Variants in CTNNA2 observed in about 807,000 individuals in gnomAD.
CTNNA2 encodes the protein catenin alpha-2.
CTNNA2 carries 42 observed loss-of-function variants against 101.0 expected under a neutral mutation model. The observed-to-expected ratio is 0.42, with a 90% CI of 0.32 to 0.54. The LOEUF (loss-of-function observed/expected upper bound fraction) is 0.54, where lower values mean the gene tolerates loss of function less well. CTNNA2 is among the 20% of genes least tolerant of loss of function. The pLI is 0.14. For missense variants in CTNNA2, 871 were observed against 1,223.1 expected (o/e 0.71, Z 4.29); for synonymous variants, 450 against 456.4 (o/e 0.99, Z 0.18).
chr2:80,223,816 A>C (rs1425340357), intron 7 of CTNNA2, among the ~76,000 whole-genome samples: 1 of 152,240 alleles, frequency 6.6e-6, no homozygotes, highest in Non-Finnish European at 1.5e-5. Context: ...CTGTGGCTTC[A>C]GATGTGACTG....
intron 17 of CTNNA2, among the ~76,000 whole-genome samples, chr2:80,610,285 GA>G (rs1050561046): frequency 2.6e-5 from 4 of 151,302 alleles, no homozygotes; most frequent in South Asian, 4.2e-4. Context: ...GGCCAATGGA[GA>G]AAAAAAATGA....
At chr2:79,680,295 G>A (rs1333680566) in intron 2 of CTNNA2, among the ~76,000 whole-genome samples, 1 of 151,862 alleles carries the variant, frequency 6.6e-6, no homozygotes, top group African/African-American at 2.4e-5. Context: ...TGAAAAGGTA[G>A]GTTACTTGAA....
chr2:79,810,858 C>T (rs564646083), intron 3 of CTNNA2, among the ~76,000 whole-genome samples: 1 of 151,984 alleles, frequency 6.6e-6, no homozygotes, highest in African/African-American at 2.4e-5. Flanking sequence ...GACATGAACT[C>T]ATCATTTTTT....
chr2:79,256,969 A>G (rs1344856069), intron 2 of CTNNA2, among the ~76,000 whole-genome samples: 1 of 152,226 alleles, frequency 6.6e-6, no homozygotes, highest in Non-Finnish European at 1.5e-5. Context: ...AAAGCACACA[A>G]ACTACAAAAA....
intron 7 of CTNNA2, among the ~76,000 whole-genome samples, chr2:80,127,132 T>A (rs1443889150): frequency 1.3e-5 from 2 of 152,202 alleles, no homozygotes; most frequent in Non-Finnish European, 2.9e-5. Flanking sequence ...GGTAAACAGA[T>A]GTTTGCATTG....
chr2:80,364,555 A>ACTTT, intron 7 of CTNNA2, among the ~76,000 whole-genome samples: 1 of 110,982 alleles, frequency 9.0e-6, no homozygotes, highest in Non-Finnish European at 1.8e-5. Flanking sequence ...GAGAGAAAGT[A>ACTTT]ATTTTTTTTT....
intron 7 of CTNNA2, among the ~76,000 whole-genome samples, chr2:79,925,552 A>T (rs1281527990): frequency 6.6e-6 from 1 of 152,156 alleles, no homozygotes; most frequent in East Asian, 1.9e-4. Flanking sequence ...AGCAAATCAC[A>T]TATAGTTTGA....
intron 4 of CTNNA2, among the ~76,000 whole-genome samples, chr2:79,474,699 A>C (rs2104550347): frequency 6.6e-6 from 1 of 152,312 alleles, no homozygotes; most frequent in South Asian, 2.1e-4. Context: ...GTCATAGTTC[A>C]TTTCCAAACG....
intron 10 of CTNNA2, 41 bp from the exon 11 acceptor site, chr2:80,545,866 G>A (rs777737871): frequency 9.4e-6 from 15 of 1,600,704 alleles, no homozygotes; most frequent in African/African-American, 5.4e-5. Context: ...CTCTTTTGAA[G>A]TGTGTGGTCA....
chr2:79,478,253 G>T (rs972204064), intron 4 of CTNNA2, among the ~76,000 whole-genome samples: 9 of 152,080 alleles, frequency 5.9e-5, no homozygotes, highest in African/African-American at 1.9e-4. Flanking sequence ...TCCTTCCTGA[G>T]TATCCCACCT....
At position 79,944,317 on chromosome 2, in the gene CTNNA2, T is replaced by C. The variant is rs73938426; in HGVS notation, c.1056+34520T>C. 8.8e-3 allele frequency among the ~76,000 whole-genome samples: 1,340 copies of C among 152,332 alleles called. 23 individuals are homozygous for C. Among genetic ancestry groups the C allele is most frequent in the African/African-American group, 0.031 (1,293 of 41,574 alleles). ...TGTTTTTGGATGAAAATGTTTTGTT[T>C]CCTTTAAGTTGTAAAAACTAGGAGC... is the stretch of plus-strand genomic sequence containing the variant. On this transcript the variant is annotated intron_variant, in intron 7 of 18. Coordinates refer to ENST00000402739, the MANE Select transcript of CTNNA2 (RefSeq NM_001282597.3).
chr2:80,473,238 C>G (rs1572976884), intron 9 of CTNNA2, among the ~76,000 whole-genome samples: 2 of 152,156 alleles, frequency 1.3e-5, no homozygotes, highest in African/African-American at 4.8e-5. Context: ...GAAGCCAGAT[C>G]ATTCCAAGTG....
At chr2:79,754,371 A>G (rs571529133) in intron 3 of CTNNA2, among the ~76,000 whole-genome samples, 1 of 152,182 alleles carries the variant, frequency 6.6e-6, no homozygotes, top group East Asian at 1.9e-4. Flanking sequence ...TAGTGGAATG[A>G]GAGGACCCAA....
At chr2:80,179,404 C>T (rs542245434) in intron 7 of CTNNA2, among the ~76,000 whole-genome samples, 3 of 151,986 alleles carry the variant, frequency 2.0e-5, no homozygotes, top group African/African-American at 4.8e-5. Context: ...GACGGAGTCT[C>T]GCTCTGTCGC....
intron 7 of CTNNA2, among the ~76,000 whole-genome samples, chr2:80,355,804 A>G (rs1673733644): frequency 6.6e-6 from 1 of 152,138 alleles, no homozygotes. Context: ...TTTTCCATGA[A>G]CATTAAACGA....
At chr2:80,571,859 T>C (rs1000634066) in intron 12 of CTNNA2, among the ~76,000 whole-genome samples, 1 of 152,188 alleles carries the variant, frequency 6.6e-6, no homozygotes, top group Non-Finnish European at 1.5e-5. Flanking sequence ...AAAGCAATTA[T>C]TTTCATTCTC....
At chr2:79,487,538 A>T (rs1423378064) in intron 4 of CTNNA2, among the ~76,000 whole-genome samples, 3 of 152,176 alleles carry the variant, frequency 2.0e-5, no homozygotes, top group Non-Finnish European at 4.4e-5. Flanking sequence ...GAACCCAGAT[A>T]GCACGCTGGG....
At chr2:80,369,465 T>C (rs777481018) in intron 7 of CTNNA2, among the ~76,000 whole-genome samples, 1 of 152,114 alleles carries the variant, frequency 6.6e-6, no homozygotes, top group Non-Finnish European at 1.5e-5. Flanking sequence ...ACTGCCTTAT[T>C]CTTTGTAAAA....
intron 4 of CTNNA2, among the ~76,000 whole-genome samples, chr2:79,380,041 G>C (rs1384824882): frequency 2.0e-5 from 3 of 152,138 alleles, no homozygotes; most frequent in East Asian, 3.9e-4. Context: ...AGGATGTGCT[G>C]CTGCAATTTA....
Sources: gnomAD v4.1 joint callset for allele counts (sites outside exome capture counted in the v4.1 genomes callset) on GRCh38, gnomAD v4.1.1 for gene constraint, MANE v1.5 for transcripts, NCBI Gene and HGNC (gene_info 2026-07-23, HGNC 2026-07-21) for gene names.